SERPINB12: variants seen among roughly 807,000 people sequenced by gnomAD.
SERPINB12 encodes the protein serpin family B member 12, also known as serpin B12.
A neutral mutation model predicts 41.1 loss-of-function variants in SERPINB12; 57 were observed. The observed-to-expected ratio is 1.39, with a 90% CI of 1.12 to 1.73. SERPINB12 has a LOEUF of 1.73. Among genes scored for constraint, SERPINB12 ranks in the 40% most tolerant of loss-of-function variants. The pLI is 0.00. For synonymous variants in SERPINB12, 180 were observed against 181.3 expected, an observed-to-expected ratio of 0.99 and a Z score of 0.06; for missense variants, 536 against 501.9, an observed-to-expected ratio of 1.07 and a Z score of -0.65.
chr18:63,537,203 G>A, the SERPINB12 span, among the ~76,000 whole-genome samples: 96 of 152,242 alleles, frequency 6.3e-4, no homozygotes, highest in Non-Finnish European at 1.1e-3. Flanking sequence ...TTTGTTTGGA[G>A]ACAGCTAGGG....
At chr18:63,551,207 T>A (rs1170244743) in intron 1 of SERPINB12, among the ~76,000 whole-genome samples, 2 of 151,654 alleles carry the variant, frequency 1.3e-5, no homozygotes, top group Non-Finnish European at 2.9e-5. Context: ...AGGCGGAGCT[T>A]GCAGTGAGCC....
At chr18:63,564,265 A>C in intron 6 of SERPINB12, 145 bp downstream of exon 6, 4 of 797,668 alleles carry the variant, frequency 5.0e-6, no homozygotes, top group Non-Finnish European at 7.9e-6. Context: ...CCTGAATTTC[A>C]TTGAGTATTT....
At chr18:63,534,402 C>T in the SERPINB12 span, among the ~76,000 whole-genome samples, 786 of 152,246 alleles carry the variant, frequency 5.2e-3, 3 homozygotes, top group African/African-American at 0.018. Context: ...GTCCTTGCTG[C>T]CTTATTGTAT....
At chr18:63,524,775 A>G in the SERPINB12 span, among the ~76,000 whole-genome samples, 11 of 132,018 alleles carry the variant, frequency 8.3e-5, no homozygotes, top group Non-Finnish European at 1.7e-4. Context: ...TTTTCGTGAC[A>G]GTCTTGCTCT....
At chr18:63,557,073 A>G (rs1050182635) in intron 2 of SERPINB12, among the ~76,000 whole-genome samples, 2 of 152,186 alleles carry the variant, frequency 1.3e-5, no homozygotes, top group African/African-American at 4.8e-5. Flanking sequence ...GCCCACAAGG[A>G]TCTGGAGATC....
At chr18:63,565,757 A>G in intron 7 of SERPINB12, 145 bp downstream of exon 7, 1 of 621,864 alleles carries the variant, frequency 1.6e-6, no homozygotes, top group Non-Finnish European at 2.5e-6. Context: ...GAATTAGATT[A>G]GATATTTATT....
intron 1 of SERPINB12, among the ~76,000 whole-genome samples, chr18:63,553,550 A>G (rs1039024894): frequency 1.3e-5 from 2 of 152,256 alleles, no homozygotes; most frequent in Admixed American, 1.3e-4. Context: ...CTTTCTAACC[A>G]ACCCCTTCTT....
Position 63,558,458 on chromosome 18 carries a change from A to G in SERPINB12, c.275A>G (p.Lys92Arg). Residue 92 changes from lysine (K) to arginine (R), a missense_variant, in exon 3 of 8, where the codon AAA (lysine) becomes AGA (arginine). Transcript: ENST00000382768. ...GCTGACAGCTCTCTGGAGGGGCAGA[A>G]AAAAACGACAGAGCCTCTGGATCAG... is the stretch of plus-strand genomic sequence containing the variant. ...VLADSSLEGQKKTTEPLDQQA... is the reference protein window; with the variant it reads ...VLADSSLEGQRKTTEPLDQQA... 1.2e-6 allele frequency: 2 copies of G among 1,613,590 alleles called. No homozygotes were observed. Among genetic ancestry groups the G allele is most frequent in the Non-Finnish European group, 1.7e-6 (2 of 1,179,756 alleles).
In SERPINB12 at chr18:63,564,073, T is replaced by A. The variant is rs1366675131; in HGVS notation, c.658T>A (p.Tyr220Asn). The change falls in exon 6 of 8, where the codon TAC becomes AAC. Residue 220 changes from tyrosine to asparagine, a missense_variant. Tyr to Asn is a moderately radical substitution (Grantham distance 143, BLOSUM62 -2). Coordinates refer to ENST00000382768, the MANE Select transcript of SERPINB12 (RefSeq NM_001307928.2). ...TTACTTCAAGGCCAAATGGGAAACA[T>A]ACTTTGACCATGAAAACACGGTGGA... ...AVYFKAKWET[Y>N]FDHENTVDAP... 2.5e-6 allele frequency: 4 copies of A among 1,613,964 alleles called. No individual in the cohort carries two copies. Among genetic ancestry groups the A allele is most frequent in the Non-Finnish European group, 3.4e-6 (4 of 1,180,006 alleles).
At chr18:63,559,475 A>G in intron 3 of SERPINB12, 103 bp from the exon 4 acceptor site, 1 of 1,171,284 alleles carries the variant, frequency 8.5e-7, no homozygotes, top group Non-Finnish European at 1.2e-6. Flanking sequence ...ACATCTTACT[A>G]AGAAGCTCTA....
At chr18:63,542,223 T>G (rs1295376083), upstream of SERPINB12, among the ~76,000 whole-genome samples, 1 of 152,222 alleles carries the variant, frequency 6.6e-6, no homozygotes, top group Non-Finnish European at 1.5e-5. Context: ...CGGTTTGTTC[T>G]AAAGGAGTGA....
the SERPINB12 span, among the ~76,000 whole-genome samples, chr18:63,523,777 A>G: frequency 2.0e-5 from 3 of 152,180 alleles, no homozygotes; most frequent in Admixed American, 2.0e-4. Context: ...AGTTATAGGA[A>G]CTGATGAGAA....
At chr18:63,551,126 G>C (rs1311360105) in intron 1 of SERPINB12, among the ~76,000 whole-genome samples, 1 of 151,648 alleles carries the variant, frequency 6.6e-6, no homozygotes, top group Admixed American at 6.6e-5. Flanking sequence ...AAAATTAGCC[G>C]GTTGTAGTGG....
chr18:63,534,511 A>G, the SERPINB12 span, among the ~76,000 whole-genome samples: 6 of 152,344 alleles, frequency 3.9e-5, no homozygotes, highest in South Asian at 2.1e-4. Context: ...GATATTGGCC[A>G]GCACAGAAAA....
At position 63,567,236 on chromosome 18, in the gene SERPINB12, T is replaced by C. The variant is rs182312283; in HGVS notation, c.*225T>C. The stretch of plus-strand genomic sequence containing the variant: ...GTTCTCTACCCTAAACTTTCAAGCA[T>C]ATAAATTCACCCTCTGTGACCTGAA... On this transcript the variant is annotated 3_prime_UTR_variant, in exon 8 of 8. Coordinates refer to ENST00000382768, the MANE Select transcript of SERPINB12 (RefSeq NM_001307928.2). 2.7e-3 allele frequency among the ~76,000 whole-genome samples: 404 copies of C among 152,282 alleles called. 1 individual carries two copies. Among genetic ancestry groups the C allele is most frequent in the African/African-American group, 9.4e-3 (390 of 41,552 alleles).
rs770751384 is a variant in SERPINB12 at position 63,567,827 on chromosome 18, C to T, written c.*816C>T. ...CCACCTGTGGCTAGCTCCTTTTATG[C>T]ACCCAGCACAGGCAGGTGTCAAGAG... On this transcript the variant is annotated 3_prime_UTR_variant, in exon 8 of 8. Transcript: ENST00000382768. 9.7e-4 allele frequency among the ~76,000 whole-genome samples: 148 copies of T among 152,384 alleles called. No homozygotes were observed. Among genetic ancestry groups the T allele is most frequent in the Non-Finnish European group, 1.6e-3 (106 of 68,044 alleles).
Position 63,556,129 on chromosome 18 carries a change from T to C in SERPINB12, c.-18-13T>C. On this transcript the variant is annotated splice_polypyrimidine_tract_variant and intron_variant, in intron 1 of 7. Coordinates refer to ENST00000382768, the MANE Select transcript of SERPINB12 (RefSeq NM_001307928.2). ...ATCACCATTTTCTCTTTCTCCTTTT[T>C]TTTTGGTTTTAGATCGTTATAAGTT... 1 of 1,573,252 alleles carries C rather than the reference T, an allele frequency of 6.4e-7. No individual in the cohort carries two copies. The highest frequency in any genetic ancestry group is 8.6e-7 in the Non-Finnish European group (1 of 1,156,892).
Position 63,556,312 on chromosome 18 carries a change from A to C in SERPINB12, c.153A>C (p.Ala51=), listed in dbSNP as rs780828506. The C allele has an allele frequency of 8.1e-6, 13 of 1,613,784 alleles. No homozygotes were observed. The Admixed American group carries it at 1.0e-4, about 12-fold the overall frequency. ...GCTTGGGTGCTAGAAGTGACAGTGC[A>C]CATCAGATTGATGAGGTACGTGTCC... ...MVRLGARSDS[A]HQIDEVLHFN... Residue 51 remains alanine (A), a synonymous_variant, in exon 2 of 8, where the codon GCA becomes GCC. Coordinates refer to ENST00000382768, the MANE Select transcript of SERPINB12 (RefSeq NM_001307928.2).
chr18:63,564,242 A>T, intron 6 of SERPINB12, 122 bp downstream of exon 6: 2 of 1,035,264 alleles, frequency 1.9e-6, no homozygotes. Context: ...TTTTTCGTTG[A>T]TAAGAACCAG....
Sources: gnomAD v4.1 joint callset for allele counts (sites outside exome capture counted in the v4.1 genomes callset) on GRCh38, gnomAD v4.1.1 for gene constraint, MANE v1.5 for transcripts, NCBI Gene and HGNC (gene_info 2026-07-23, HGNC 2026-07-21) for gene names.